FAT2: variants seen among roughly 807,000 people sequenced by gnomAD.
FAT2 encodes the protein FAT atypical cadherin 2.
FAT2 carries 150 observed loss-of-function variants against 295.3 expected under a neutral mutation model. The observed-to-expected ratio is 0.51, with a 90% CI of 0.44 to 0.58. FAT2 has a LOEUF of 0.58. Among genes scored for constraint, FAT2 ranks in the 20% least tolerant of loss-of-function variants. The probability of loss-of-function intolerance (pLI) is 0.00; values close to 1 mark genes in which losing one functional copy is unlikely to be tolerated. For synonymous variants in FAT2, 2,026 were observed against 2,150.3 expected (o/e 0.94, Z 1.60); for missense variants, 4,868 against 5,442.7 (o/e 0.89, Z 3.32).
intron 2 of FAT2, among the ~76,000 whole-genome samples, chr5:151,564,505 A>G (rs1301530407): frequency 6.6e-6 from 1 of 152,232 alleles, no homozygotes; most frequent in Non-Finnish European, 1.5e-5. Context: ...CATTGAGAAC[A>G]AGTTATTACA....
chr5:151,569,563 T>A (rs1758442491), intron 1 of FAT2, among the ~76,000 whole-genome samples: 1 of 152,136 alleles, frequency 6.6e-6, no homozygotes, highest in Non-Finnish European at 1.5e-5. Flanking sequence ...CCAGCCCCAA[T>A]GTCAATAGTG....
Position 151,556,332 on chromosome 5 carries a change from A to G in FAT2, c.3633+12T>C, listed in dbSNP as rs1309079202. 3 of 1,611,824 alleles carry G rather than the reference A, an allele frequency of 1.9e-6. No individual in the cohort carries two copies. The highest frequency in any genetic ancestry group is 2.5e-6 in the Non-Finnish European group (3 of 1,177,914). On this transcript the variant is annotated intron_variant, in intron 4 of 23. Coordinates refer to ENST00000261800, the MANE Select transcript of FAT2 (RefSeq NM_001447.3). ...ACAAATCACCACAAATGGATTCACC[A>G]CCATTACTTACCTCCAGGATGTGTT...
In FAT2 at chr5:151,565,842, G is replaced by A. The variant is rs899441643; in HGVS notation, c.3090C>T (p.Pro1030=). 1.7e-5 allele frequency: 27 copies of A among 1,614,004 alleles called. No individual in the cohort carries two copies. Among genetic ancestry groups the A allele is most frequent in the Non-Finnish European group, 2.3e-5 (27 of 1,180,026 alleles). ...VLDVNENLHP[P]HFASFVHQGQ... Reference sequence around the variant, plus strand: ...CCTGGTGCACGAAGGAGGCAAAGTGGGGAGGGTGGAGATTCTCATTCACAT... The same window carrying A: ...CCTGGTGCACGAAGGAGGCAAAGTGAGGAGGGTGGAGATTCTCATTCACAT... The change falls in exon 2 of 24, where the codon CCC becomes CCT. Residue 1030 remains proline (P), a synonymous_variant. Coordinates refer to ENST00000261800, the MANE Select transcript of FAT2 (RefSeq NM_001447.3).
chr5:151,549,469 C>T lies in FAT2; in HGVS notation c.4615G>A (p.Val1539Met), dbSNP rs1163755925. ...TCCTCCACATGAATGGTCACCCACA[C>T]GAAGTTCCTCTTGATAGGTATTTCC... ...DQEIPIKRNF[V>M]WVTIHVEDGN... is the part of the protein sequence containing the mutation. Residue 1539 changes from valine (V) to methionine (M), a missense_variant, in exon 9 of 24, where the codon GTG becomes ATG. Around this residue, in one of 5 missense-constraint regions of FAT2, gnomAD observed 3,297 missense variants for 3,669.4 expected, o/e 0.90. Coordinates refer to ENST00000261800, the MANE Select transcript of FAT2 (RefSeq NM_001447.3). 6.8e-6 allele frequency: 11 copies of T among 1,614,004 alleles called. No homozygotes were observed. The highest frequency in any genetic ancestry group is 2.7e-5 in the African/African-American group (2 of 74,898).
At position 151,544,957 on chromosome 5, in the gene FAT2, C is replaced by A. The variant is rs1421537619; in HGVS notation, c.6170G>T (p.Arg2057Ile). Residue 2057 changes from arginine to isoleucine, a missense_variant, in exon 10 of 24, where the codon AGA becomes ATA. By Grantham distance (97) the Arg-to-Ile change is moderately conservative. This residue lies in a region of FAT2 where 3,297 missense variants were observed against 3,669.4 expected (regional missense o/e 0.90). Transcript: ENST00000261800. Reference sequence around the variant, plus strand: ...GTCATTGACATCCTCAATAGAGACTCTGACCAAACCCTGAGCCACCCGCTG... The same window carrying A: ...GTCATTGACATCCTCAATAGAGACTATGACCAAACCCTGAGCCACCCGCTG... ...TPQRVAQGLVRVSIEDVNDNP... is the reference protein window; with the variant it reads ...TPQRVAQGLVIVSIEDVNDNP... 1.2e-6 allele frequency: 2 copies of A among 1,614,172 alleles called. No individual in the cohort carries two copies. The highest frequency in any genetic ancestry group is 1.7e-6 in the Non-Finnish European group (2 of 1,180,032).
chr5:151,528,001 C>G lies in FAT2; in HGVS notation c.10159G>C (p.Glu3387Gln). The change falls in exon 16 of 24, where the codon GAA becomes CAA. Residue 3387 changes from glutamate to glutamine, a missense_variant. Glu to Gln is a conservative substitution (Grantham distance 29, BLOSUM62 2). Coordinates refer to ENST00000261800, the MANE Select transcript of FAT2 (RefSeq NM_001447.3). ...GCCCCTCCCACATGACTCACCTGTT[C>G]CCGGTCCAGGGCCTTGGCCACCTGT... ...ELQVAKALDR[E>Q]QASSYSLKLR... is the part of the protein sequence containing the mutation. 6.2e-7 allele frequency: 1 copy of G among 1,614,028 alleles called. No homozygotes were observed. The highest frequency in any genetic ancestry group is 8.5e-7 in the Non-Finnish European group (1 of 1,179,984).
chr5:151,581,964 G>A (rs1030172115), intron 1 of FAT2, among the ~76,000 whole-genome samples: 11 of 152,198 alleles, frequency 7.2e-5, no homozygotes, highest in African/African-American at 2.4e-4. Flanking sequence ...GCCCAGCCCA[G>A]CCATCTGTCT....
chr5:151,532,293 G>A (rs1361471870), intron 13 of FAT2, among the ~76,000 whole-genome samples: 1 of 152,158 alleles, frequency 6.6e-6, no homozygotes, highest in Non-Finnish European at 1.5e-5. Flanking sequence ...AGAGTTCCTT[G>A]ACTGAGATAG....
intron 9 of FAT2, among the ~76,000 whole-genome samples, chr5:151,548,122 T>C (rs887344661): frequency 1.6e-4 from 24 of 152,186 alleles, no homozygotes; most frequent in Admixed American, 4.6e-4. Context: ...TTCTGTTATA[T>C]GGCAACTGTT....
intron 1 of FAT2, among the ~76,000 whole-genome samples, chr5:151,580,740 G>A (rs1032502850): frequency 6.6e-6 from 1 of 152,218 alleles, no homozygotes; most frequent in Non-Finnish European, 1.5e-5. Flanking sequence ...GAGGGTGGGT[G>A]TGAAGTGGTC....
chr5:151,537,983 G>C (rs542106304), intron 11 of FAT2, 37 bp from the exon 12 acceptor site: 1 of 1,600,544 alleles, frequency 6.2e-7, no homozygotes, highest in East Asian at 2.2e-5. Context: ...GAGACTGTGG[G>C]GACTGCATTC....
intron 20 of FAT2, among the ~76,000 whole-genome samples, chr5:151,513,272 A>G (rs567364868): frequency 6.6e-6 from 1 of 152,334 alleles, no homozygotes; most frequent in East Asian, 1.9e-4. Context: ...TTTTTCATAA[A>G]AATATATAAA....
chr5:151,560,515 C>T (rs1757972728), intron 3 of FAT2, among the ~76,000 whole-genome samples: 1 of 152,208 alleles, frequency 6.6e-6, no homozygotes, highest in East Asian at 1.9e-4. Context: ...ACTGCTGCCT[C>T]TCAAAATCCT....
intron 3 of FAT2, among the ~76,000 whole-genome samples, chr5:151,560,930 G>A (rs534700367): frequency 6.6e-6 from 1 of 152,208 alleles, no homozygotes; most frequent in African/African-American, 2.4e-5. Context: ...AGAAATTATG[G>A]TGGGCACCAA....
intron 1 of FAT2, among the ~76,000 whole-genome samples, chr5:151,570,454 C>T (rs981194618): frequency 3.3e-5 from 5 of 152,216 alleles, no homozygotes; most frequent in African/African-American, 9.6e-5. Flanking sequence ...AAGAACTAGT[C>T]CCTGGGAGTT....
At chr5:151,551,700 G>C (rs1475558408) in intron 6 of FAT2, 94 bp from the exon 7 acceptor site, 49 of 1,366,238 alleles carry the variant, frequency 3.6e-5, no homozygotes, top group Non-Finnish European at 4.9e-5. Context: ...AGAGGACACG[G>C]TGGTAAATTC....
At chr5:151,534,939 A>ATCC (rs1194912381) in intron 12 of FAT2, among the ~76,000 whole-genome samples, 1 of 145,120 alleles carries the variant, frequency 6.9e-6, no homozygotes, top group Non-Finnish European at 1.5e-5. Context: ...AAATGCATTT[A>ATCC]TCCTTTGGTT....
chr5:151,569,677 T>A (rs1403435063), intron 1 of FAT2, among the ~76,000 whole-genome samples: 1 of 152,234 alleles, frequency 6.6e-6, no homozygotes, highest in Non-Finnish European at 1.5e-5. Context: ...TTACTCTTTT[T>A]TCCCAAAAAC....
chr5:151,531,887 G>A lies in FAT2; in HGVS notation c.9511C>T (p.Leu3171=), dbSNP rs775991257. ...GGCCTGACCTGCAGCGGCTTTTCCA[G>A]GCGGATCACCCCCGTGGTGGCGTCG... The part of the protein sequence containing the change: ...SIDATTGVIR[L]EKPLQVRPQA... The change falls in exon 14 of 24, where the codon CTG becomes TTG. Residue 3171 remains leucine, a synonymous_variant. Coordinates refer to ENST00000261800, the MANE Select transcript of FAT2 (RefSeq NM_001447.3). The surrounding 1 kb of genome is among the most constrained non-coding windows in gnomAD (Gnocchi z 5.7). The A allele has an allele frequency of 3.7e-6, 6 of 1,614,180 alleles. No individual in the cohort carries two copies. In the Admixed American group the frequency reaches 8.3e-5, roughly 22 times the overall value.
Sources: gnomAD v4.1 joint callset for allele counts (sites outside exome capture counted in the v4.1 genomes callset) on GRCh38, gnomAD v4.1.1 for gene constraint, gnomAD v4.1.1 regional missense constraint, Gnocchi (gnomAD v3.1) non-coding constraint, MANE v1.5 for transcripts, NCBI Gene and HGNC (gene_info 2026-07-23, HGNC 2026-07-21) for gene names.